Variants in GNE observed in about 807,000 individuals in gnomAD.
GNE encodes bifunctional UDP-N-acetylglucosamine 2-epimerase/N-acetylmannosamine kinase.
A neutral mutation model predicts 61.8 loss-of-function variants in GNE; 41 were observed. The ratio of observed to expected loss-of-function variants is 0.66; its 90% CI spans 0.52 to 0.86. The LOEUF is 0.86. Among genes scored for constraint, GNE ranks in the 40% least tolerant of loss-of-function variants. GNE has a pLI of 0.00. For synonymous variants in GNE, 264 were observed against 326.4 expected (o/e 0.81, Z 2.06); for missense variants, 608 against 909.1 (o/e 0.67, Z 4.26).
At chr9:36,265,311 CAG>C in intron 1 of GNE, 1 of 441,640 alleles carries the variant, frequency 2.3e-6, no homozygotes, top group South Asian at 1.6e-5. Context: ...AACCCCAGGT[CAG>C]AGAACGAGAG....
intron 3 of GNE, among the ~76,000 whole-genome samples, chr9:36,242,729 C>CTTTTT (rs1563944077): frequency 2.2e-5 from 2 of 92,922 alleles, no homozygotes; most frequent in African/African-American, 8.2e-5. Flanking sequence ...GGGTTTTATG[C>CTTTTT]TTGTTTTTTT....
intron 2 of GNE, among the ~76,000 whole-genome samples, chr9:36,247,621 A>G (rs1318033749): frequency 6.6e-6 from 1 of 152,140 alleles, no homozygotes; most frequent in Non-Finnish European, 1.5e-5. Context: ...CTTCCTGTCA[A>G]AGCTTTCTCA....
rs1056075397 is a variant in GNE at position 36,254,669 on chromosome 9, C to T, written c.-43+3652G>A. Reference sequence around the variant, plus strand: ...AAAGCTGCTTTCAAGAATTGAGTTTCGGCCGGGCGCAGTGGCTCACGCCTG... The same window carrying T: ...AAAGCTGCTTTCAAGAATTGAGTTTTGGCCGGGCGCAGTGGCTCACGCCTG... On this transcript the variant is annotated intron_variant, in intron 1 of 11. Transcript: ENST00000642385. 9.3e-5 allele frequency among the ~76,000 whole-genome samples: 14 copies of T among 151,072 alleles called. No homozygotes were observed. The South Asian group carries it at 1.7e-3, about 18-fold the overall frequency.
At chr9:36,238,733 T>C (rs1829510954) in intron 3 of GNE, among the ~76,000 whole-genome samples, 1 of 152,218 alleles carries the variant, frequency 6.6e-6, no homozygotes, top group Non-Finnish European at 1.5e-5. Flanking sequence ...AAAAGCTCTT[T>C]AGTTTAATTA....
chr9:36,217,220 G>A lies in GNE; in HGVS notation c.*145C>T, dbSNP rs1049342351. 5 of 696,888 alleles carry A rather than the reference G, an allele frequency of 7.2e-6. No individual in the cohort carries two copies. The African/African-American group carries it at 8.8e-5, about 12-fold the overall frequency. 43.2% of individuals were successfully genotyped at this position (696,888 alleles called of 1,614,324 possible). ...GTGGGGAAAGGTGACTCTGGAAGAG[G>A]AGACCAAAAGTGAAAACATTTCTCT... On this transcript the variant is annotated 3_prime_UTR_variant, in exon 12 of 12. Coordinates refer to ENST00000642385, the MANE Select transcript of GNE (RefSeq NM_005476.7).
intron 6 of GNE, among the ~76,000 whole-genome samples, chr9:36,228,649 C>G (rs917516541): frequency 2.6e-5 from 4 of 151,766 alleles, no homozygotes; most frequent in East Asian, 1.9e-4. Flanking sequence ...CAAAAATTAG[C>G]CAGGCGTGGT....
intron 1 of GNE, among the ~76,000 whole-genome samples, chr9:36,266,245 G>T (rs1830784377): frequency 6.6e-6 from 1 of 152,194 alleles, no homozygotes; most frequent in East Asian, 1.9e-4. Context: ...CTGCGGCCCA[G>T]TTCTTAACAA....
At chr9:36,255,555 C>G in intron 1 of GNE, among the ~76,000 whole-genome samples, 1 of 152,098 alleles carries the variant, frequency 6.6e-6, no homozygotes, top group East Asian at 1.9e-4. Context: ...TAATTCTTTT[C>G]CCTGAAAGAA....
In GNE at chr9:36,265,123, C is replaced by G. The variant is rs563481279; in HGVS notation, c.51+11771G>C. ...CCAGCGAGGCGCCCACTGCTGCTCC[C>G]GATCGGGCTGAAGGCTTGCCGTTGT... is the stretch of plus-strand genomic sequence containing the variant. On this transcript the variant is annotated intron_variant, in intron 1 of 11. Transcript: ENST00000396594. 1.7e-5 allele frequency: 5 copies of G among 287,952 alleles called. No individual in the cohort carries two copies. The South Asian group carries it at 1.8e-4, about 10-fold the overall frequency. The allele number at this position is 287,952 out of a possible 1,614,324, so 17.8% of individuals were successfully genotyped here.
At chr9:36,230,586 A>G (rs971083714) in intron 5 of GNE, among the ~76,000 whole-genome samples, 12 of 151,894 alleles carry the variant, frequency 7.9e-5, no homozygotes, top group African/African-American at 2.7e-4. Context: ...CCTCCTGAGT[A>G]ACTAGGACCA....
intron 7 of GNE, among the ~76,000 whole-genome samples, chr9:36,225,240 T>C (rs557199086): frequency 3.3e-5 from 5 of 152,352 alleles, no homozygotes; most frequent in Non-Finnish European, 7.3e-5. Flanking sequence ...GTTTTTGTTG[T>C]TGTTCTGAAT....
intron 3 of GNE, among the ~76,000 whole-genome samples, chr9:36,245,261 C>A (rs1230662205): frequency 2.6e-5 from 4 of 151,726 alleles, no homozygotes; most frequent in Non-Finnish European, 5.9e-5. Flanking sequence ...AAGACTCTGT[C>A]TCAAAAAACA....
In GNE at chr9:36,216,174, T is replaced by A; in HGVS notation, c.*1191A>T. On this transcript the variant is annotated 3_prime_UTR_variant, in exon 12 of 12. Coordinates refer to ENST00000642385, the MANE Select transcript of GNE (RefSeq NM_005476.7). Reference sequence around the variant, plus strand: ...TTGATTGTGGTGATGCTTTCACAGGTATACATATGTCAAGGCTTATCAAAT... The same window carrying A: ...TTGATTGTGGTGATGCTTTCACAGGAATACATATGTCAAGGCTTATCAAAT... The A allele has an allele frequency of 2.4e-6, 1 of 413,360 alleles. No homozygotes were observed. Among genetic ancestry groups the A allele is most frequent in the Non-Finnish European group, 5.0e-6 (1 of 200,056 alleles). 25.6% of individuals were successfully genotyped at this position (413,360 alleles called of 1,614,324 possible). A position where few individuals can be genotyped will look rare whatever the true frequency, so the allele number is the denominator to read the frequency against.
At chr9:36,251,266 G>A (rs990277440) in intron 1 of GNE, among the ~76,000 whole-genome samples, 3 of 151,986 alleles carry the variant, frequency 2.0e-5, no homozygotes, top group African/African-American at 7.3e-5. Context: ...TTGCTGCCTC[G>A]CTCTGAGCGT....
At chr9:36,232,870 G>C (rs1427694046) in intron 5 of GNE, among the ~76,000 whole-genome samples, 1 of 152,164 alleles carries the variant, frequency 6.6e-6, no homozygotes, top group Non-Finnish European at 1.5e-5. Flanking sequence ...GTACATGGTA[G>C]GTGTTTACTA....
chr9:36,238,495 A>G (rs1829499889), intron 3 of GNE, among the ~76,000 whole-genome samples: 1 of 152,176 alleles, frequency 6.6e-6, no homozygotes, highest in Non-Finnish European at 1.5e-5. Context: ...TTCCCTGATC[A>G]TTAGTGATGT....
chr9:36,222,755 A>G (rs1360940981), intron 9 of GNE, 22 bp downstream of exon 9: 1 of 1,514,066 alleles, frequency 6.6e-7, no homozygotes, highest in Non-Finnish European at 9.2e-7. Flanking sequence ...CTCCTGAACC[A>G]ACCTCCCCCT....
chr9:36,254,074 G>A (rs951515849), intron 1 of GNE, among the ~76,000 whole-genome samples: 8 of 151,678 alleles, frequency 5.3e-5, no homozygotes, highest in African/African-American at 1.7e-4. Context: ...GCATGGTAGC[G>A]CGTGCCTGTA....
rs749945879 is a variant in GNE, at chr9:36,223,567, TG to T, written c.1282-66del. ...GCTAAGCAGCATATTGTGAGTGTTG[TG>T]ATCTTTTTCATGACAAATTAGACAC... On this transcript the variant is annotated intron_variant, in intron 7 of 11. Coordinates refer to ENST00000642385, the MANE Select transcript of GNE (RefSeq NM_005476.7). 1.8e-4 allele frequency: 283 copies of T among 1,532,932 alleles called. 2 individuals are homozygous for T. The highest frequency in any genetic ancestry group is 2.4e-5 in the Non-Finnish European group (27 of 1,110,454). 95.0% of individuals were successfully genotyped at this position (1,532,932 alleles called of 1,614,324 possible).
Sources: allele counts gnomAD v4.1 joint callset (sites outside exome capture counted in the v4.1 genomes callset), GRCh38; gene constraint gnomAD v4.1.1; transcripts MANE v1.5; gene names NCBI Gene and HGNC (gene_info 2026-07-23, HGNC 2026-07-21).